The following AHDC1 variants were observed in gnomAD, a reference collection of about 807,000 sequenced individuals.
The protein encoded by AHDC1 is transcription factor Gibbin.
In AHDC1, 7 loss-of-function variants were observed where a neutral mutation model predicts 87.9. The observed-to-expected ratio is 0.08, with a 90% CI of 0.05 to 0.15. The LOEUF (loss-of-function observed/expected upper bound fraction) is 0.15. AHDC1 is among the 10% of genes least tolerant of loss of function. The pLI, the probability that AHDC1 is intolerant of heterozygous loss-of-function variation, is 1.00. For missense variants in AHDC1, 1,841 were observed against 2,253.2 expected (o/e 0.82, Z 3.70); for synonymous variants, 1,051 against 1,006.8 (o/e 1.04, Z -0.83).
Position 27,551,322 on chromosome 1 carries a change from T to G in AHDC1, c.794A>C (p.Glu265Ala). The G allele has an allele frequency of 6.2e-7, 1 of 1,612,470 alleles. No homozygotes were observed. The highest frequency in any genetic ancestry group is 8.5e-7 in the Non-Finnish European group (1 of 1,179,614). ...EAQLLEAQAL[E>A]PPSPEPEPQL... ...AGGCTCCGGCTCGGGCGATGGTGGC[T>G]CGAGGGCCTGGGCCTCTAGCAGCTG... The change falls in exon 8 of 9, where the codon GAG becomes GCG. Residue 265 changes from glutamate to alanine, a missense_variant. Glu to Ala is a moderately radical substitution (Grantham distance 107). Transcript: ENST00000673934.
chr1:27,572,552 G>C (rs2088567089), intron 3 of AHDC1, among the ~76,000 whole-genome samples: 1 of 152,182 alleles, frequency 6.6e-6, no homozygotes. Context: ...ACTGTTCAGA[G>C]GCCCTGACAA....
At position 27,593,404 on chromosome 1, in the gene AHDC1, G is replaced by A. The variant is rs2089282660; in HGVS notation, c.-629+9993C>T. Among the ~76,000 whole-genome samples the A allele has an allele frequency of 1.3e-5, 2 of 152,134 alleles. No individual in the cohort carries two copies. Among genetic ancestry groups the A allele is most frequent in the South Asian group, 2.1e-4 (1 of 4,824 alleles). ...CTACCGCAGTGTGCCCACTGCTGCC[G>A]CCACCACTACCCCCAGGCAGGCTGG... On this transcript the variant is annotated intron_variant, in intron 3 of 8. Transcript: ENST00000673934. This position sits in a 1 kb window ranked among gnomAD's most constrained non-coding sequence, Gnocchi z 4.9.
At chr1:27,559,586 G>C (rs2019975794) in intron 3 of AHDC1, among the ~76,000 whole-genome samples, 1 of 152,188 alleles carries the variant, frequency 6.6e-6, no homozygotes, top group South Asian at 2.1e-4. Flanking sequence ...CTTATGAATG[G>C]GGAGGAACAT....
chr1:27,580,779 A>C (rs1006810053), intron 3 of AHDC1, among the ~76,000 whole-genome samples: 7 of 152,208 alleles, frequency 4.6e-5, no homozygotes, highest in Non-Finnish European at 8.8e-5. Flanking sequence ...CATCTAGCTT[A>C]GTTCCATAGA....
chr1:27,565,047 G>A lies in AHDC1; in HGVS notation c.-628-6164C>T, dbSNP rs913888732. ...GGGTGGCTGGAGCTGGGGGGCCCTG[G>A]GGGACTGAGTAAAGCGTGGCGACAG... On this transcript the variant is annotated intron_variant, in intron 3 of 8. Coordinates refer to ENST00000673934, the MANE Select transcript of AHDC1 (RefSeq NM_001371928.1). This position sits in a 1 kb window ranked among gnomAD's most constrained non-coding sequence, Gnocchi z 4.6. Among the ~76,000 whole-genome samples the A allele has an allele frequency of 2.0e-4, 30 of 152,196 alleles. No homozygotes were observed. Among genetic ancestry groups the A allele is most frequent in the Non-Finnish European group, 4.4e-5 (3 of 68,020 alleles).
intron 3 of AHDC1, among the ~76,000 whole-genome samples, chr1:27,564,377 G>A (rs1038002903): frequency 2.0e-5 from 3 of 152,226 alleles, no homozygotes; most frequent in Admixed American, 1.3e-4. Flanking sequence ...AGGCCACAGA[G>A]GGCTCCAGCC....
At chr1:27,539,500 C>T (rs968093008) in intron 8 of AHDC1, among the ~76,000 whole-genome samples, 4 of 151,806 alleles carry the variant, frequency 2.6e-5, no homozygotes, top group Non-Finnish European at 5.9e-5. Flanking sequence ...GGCTGGAGTA[C>T]AGCAGTGCAA....
intron 3 of AHDC1, among the ~76,000 whole-genome samples, chr1:27,581,161 G>A (rs114009293): frequency 0.019 from 2,886 of 151,966 alleles, 43 homozygotes; most frequent in Non-Finnish European, 0.027. Context: ...ACAGGGTCTC[G>A]CTCTGTATCC....
At chr1:27,584,833 T>C (rs927857493) in intron 3 of AHDC1, among the ~76,000 whole-genome samples, 2 of 152,112 alleles carry the variant, frequency 1.3e-5, no homozygotes, top group East Asian at 1.9e-4. Context: ...AGAGATGCCT[T>C]ATCCCCCAGG....
At chr1:27,574,813 A>G (rs1269891946) in intron 3 of AHDC1, among the ~76,000 whole-genome samples, 1 of 152,142 alleles carries the variant, frequency 6.6e-6, no homozygotes, top group Non-Finnish European at 1.5e-5. Context: ...TCCTTCCCCA[A>G]GCCATAGTGC....
chr1:27,569,096 G>A (rs1364105449), intron 3 of AHDC1, among the ~76,000 whole-genome samples: 2 of 121,024 alleles, frequency 1.7e-5, no homozygotes, highest in Admixed American at 2.2e-4. Context: ...CAAATCATCT[G>A]GATACTACCC....
chr1:27,600,054 C>T (rs2089487926), intron 3 of AHDC1, among the ~76,000 whole-genome samples: 1 of 151,980 alleles, frequency 6.6e-6, no homozygotes, highest in Non-Finnish European at 1.5e-5. Flanking sequence ...TTCTTGGTCC[C>T]CGGCCCCCAC....
intron 3 of AHDC1, among the ~76,000 whole-genome samples, chr1:27,573,967 A>G (rs975953578): frequency 6.6e-6 from 1 of 152,214 alleles, no homozygotes; most frequent in South Asian, 2.1e-4. Context: ...TGGAAGGCCA[A>G]TCAAACAGGA....
Position 27,547,693 on chromosome 1 carries a change from G to A in AHDC1, c.4423C>T (p.Arg1475Cys), listed in dbSNP as rs747256157. Reference sequence around the variant, plus strand: ...ACCTTGCCTTCATAGGGCGGGCTGCGGGCAGCTGAGCCTGGAGGGTACCAA... The same window carrying A: ...ACCTTGCCTTCATAGGGCGGGCTGCAGGCAGCTGAGCCTGGAGGGTACCAA... ...AYWYPPGSAA[R>C]SPPYEGKVGT... The change falls in exon 8 of 9, where the codon CGC becomes TGC. Residue 1475 changes from arginine to cysteine, a missense_variant. Physicochemically the swap from Arg to Cys is radical, Grantham distance 180. Transcript: ENST00000673934. This position sits in a 1 kb window ranked among gnomAD's most constrained non-coding sequence, Gnocchi z 4.9. 20 of 1,595,308 alleles carry A rather than the reference G, an allele frequency of 1.3e-5. No individual in the cohort carries two copies. Among genetic ancestry groups the A allele is most frequent in the Admixed American group, 3.4e-5 (2 of 58,558 alleles).
chr1:27,538,479 G>A lies in AHDC1; in HGVS notation c.*44-3563C>T, dbSNP rs115045883. Among the ~76,000 whole-genome samples, 135 of 150,284 alleles carry A rather than the reference G, an allele frequency of 9.0e-4. 1 individual carries two copies. The highest frequency in any genetic ancestry group is 3.1e-3 in the African/African-American group (128 of 40,898). On this transcript the variant is annotated intron_variant, in intron 8 of 8. Coordinates refer to ENST00000673934, the MANE Select transcript of AHDC1 (RefSeq NM_001371928.1). ...TGATTTCCTGTGTGACCCAGAGTAA[G>A]TCCCTTCCCTCTCTGGGCTTCAGGT...
intron 8 of AHDC1, among the ~76,000 whole-genome samples, chr1:27,545,858 G>T (rs755983539): frequency 6.6e-6 from 1 of 152,188 alleles, no homozygotes; most frequent in African/African-American, 2.4e-5. Flanking sequence ...CCCAGAGAGG[G>T]GCAAAAGCTT....
chr1:27,581,134 CTGTTTT>C (rs997667697), intron 3 of AHDC1, among the ~76,000 whole-genome samples: 10 of 151,828 alleles, frequency 6.6e-5, no homozygotes, highest in African/African-American at 2.4e-4. Context: ...CACGTCCCGC[CTGTTTT>C]TGTTTTTGAG....
intron 3 of AHDC1, among the ~76,000 whole-genome samples, chr1:27,578,682 A>T (rs1482829581): frequency 1.3e-5 from 2 of 151,642 alleles, no homozygotes; most frequent in Non-Finnish European, 2.9e-5. Flanking sequence ...TGAAAATTTT[A>T]AATTACATAT....
chr1:27,547,191 T>C lies in AHDC1; in HGVS notation c.*43+70A>G, dbSNP rs1375728555. On this transcript the variant is annotated intron_variant, in intron 8 of 8. Coordinates refer to ENST00000673934, the MANE Select transcript of AHDC1 (RefSeq NM_001371928.1). This position sits in a 1 kb window ranked among gnomAD's most constrained non-coding sequence, Gnocchi z 4.9. ...CTTCCTGCACTCCATACCTCTGTCC[T>C]TGCCTAAGCTCTGATGTCCTCTTCC... is the stretch of plus-strand genomic sequence containing the variant. 2.8e-5 allele frequency: 32 copies of C among 1,144,226 alleles called. No individual in the cohort carries two copies. The highest frequency in any genetic ancestry group is 3.9e-5 in the Non-Finnish European group (32 of 814,446). 70.9% of individuals were successfully genotyped at this position (1,144,226 alleles called of 1,614,324 possible).
Sources: allele counts gnomAD v4.1 joint callset (sites outside exome capture counted in the v4.1 genomes callset), GRCh38; gene constraint gnomAD v4.1.1; non-coding constraint Gnocchi (gnomAD v3.1); transcripts MANE v1.5; gene names NCBI Gene and HGNC (gene_info 2026-07-23, HGNC 2026-07-21).